Variants in NHERF4 observed in about 807,000 individuals in gnomAD.
NHERF4 encodes the protein NHERF family PDZ scaffold protein 4, also known as Na(+)/H(+) exchange regulatory cofactor NHE-RF4.
the NHERF4 span, chr11:119,186,130 CTG>C: frequency 6.2e-7 from 1 of 1,614,100 alleles, no homozygotes; most frequent in Non-Finnish European, 8.5e-7. This position sits in a 1 kb window ranked among gnomAD's most constrained non-coding sequence, Gnocchi z 4.4. Flanking sequence ...ATTGATAATC[CTG>C]TCCTCTCCCT....
chr11:119,186,226 G>C, the NHERF4 span: 1 of 1,613,992 alleles, frequency 6.2e-7, no homozygotes. The surrounding 1 kb of genome is among the most constrained non-coding windows in gnomAD (Gnocchi z 4.4). Context: ...GCTCCACACG[G>C]CCTCCGATCT....
At chr11:119,189,620 G>A in the NHERF4 span, 3 of 1,099,634 alleles carry the variant, frequency 2.7e-6, no homozygotes, top group Non-Finnish European at 4.1e-6. The surrounding 1 kb of genome is among the most constrained non-coding windows in gnomAD (Gnocchi z 5.8). Flanking sequence ...ATCACAGGCT[G>A]GCCCAGGTGC....
the NHERF4 span, chr11:119,186,053 A>C: frequency 1.9e-6 from 3 of 1,610,288 alleles, no homozygotes; most frequent in Non-Finnish European, 2.5e-6. The surrounding 1 kb of genome is among the most constrained non-coding windows in gnomAD (Gnocchi z 4.4). Flanking sequence ...ACCCAAGTCC[A>C]GCTGCCAGCT....
At chr11:119,187,351 C>T in the NHERF4 span, 1 of 1,613,820 alleles carries the variant, frequency 6.2e-7, no homozygotes, top group East Asian at 2.2e-5. Context: ...GGCCCGAGCT[C>T]AGCTGGGAGA....
the NHERF4 span, chr11:119,185,587 AC>A: frequency 7.2e-7 from 1 of 1,385,800 alleles, no homozygotes; most frequent in Non-Finnish European, 1.0e-6. Context: ...AAGCTTTGGG[AC>A]CAGGGCACAC....
At chr11:119,186,758 G>A in the NHERF4 span, 2 of 1,420,964 alleles carry the variant, frequency 1.4e-6, no homozygotes, top group South Asian at 2.8e-5. This position sits in a 1 kb window ranked among gnomAD's most constrained non-coding sequence, Gnocchi z 4.4. Flanking sequence ...AGTCCCCTGG[G>A]CAGTATGGCA....
chr11:119,189,460 TAG>T, the NHERF4 span: 6 of 1,614,092 alleles, frequency 3.7e-6, no homozygotes, highest in Admixed American at 5.0e-5. The surrounding 1 kb of genome is among the most constrained non-coding windows in gnomAD (Gnocchi z 5.8). Flanking sequence ...TCTCTCTGTA[TAG>T]GACTGGGCTC....
the NHERF4 span, chr11:119,188,399 G>C: frequency 6.2e-7 from 1 of 1,613,798 alleles, no homozygotes; most frequent in South Asian, 1.1e-5. Context: ...AGCCAAGAAG[G>C]CTGGGATGCA....
chr11:119,186,400 G>A, the NHERF4 span: 3 of 1,572,394 alleles, frequency 1.9e-6, no homozygotes, highest in Non-Finnish European at 2.6e-6. The surrounding 1 kb of genome is among the most constrained non-coding windows in gnomAD (Gnocchi z 4.4). Flanking sequence ...AGGACACAGG[G>A]TCTGCCAGGC....
chr11:119,187,436 G>T, the NHERF4 span: 1 of 1,613,982 alleles, frequency 6.2e-7, no homozygotes, highest in Admixed American at 1.7e-5. Context: ...GATGAGGGTG[G>T]TTTTGGCTTC....
At chr11:119,190,078 C>T in the NHERF4 span, 1 of 523,902 alleles carries the variant, frequency 1.9e-6, no homozygotes, top group East Asian at 3.1e-5. The surrounding 1 kb of genome is among the most constrained non-coding windows in gnomAD (Gnocchi z 4.2). Flanking sequence ...AAATTTATTT[C>T]CTATCAATCA....
the NHERF4 span, chr11:119,186,447 C>G: frequency 1.2e-6 from 2 of 1,611,450 alleles, no homozygotes; most frequent in Non-Finnish European, 1.7e-6. The surrounding 1 kb of genome is among the most constrained non-coding windows in gnomAD (Gnocchi z 4.4). Context: ...GCCCTCTCCT[C>G]CCCCTTTTCT....
the NHERF4 span, chr11:119,188,301 T>G: frequency 1.2e-6 from 2 of 1,606,958 alleles, no homozygotes; most frequent in Non-Finnish European, 1.7e-6. Context: ...CCCTGGTGTG[T>G]ACACAGTGGC....
At chr11:119,188,168 T>TG in the NHERF4 span, 1 of 1,517,820 alleles carries the variant, frequency 6.6e-7, no homozygotes, top group Non-Finnish European at 8.9e-7. Context: ...CTGGGGGCGG[T>TG]GGGGGAAGGT....
the NHERF4 span, chr11:119,188,422 G>A: frequency 6.2e-7 from 1 of 1,613,954 alleles, no homozygotes; most frequent in Non-Finnish European, 8.5e-7. Flanking sequence ...CTGGGGACCG[G>A]CTGGTGGCTG....
At chr11:119,189,629 GCTCC>G in the NHERF4 span, 1 of 998,018 alleles carries the variant, frequency 1.0e-6, no homozygotes, top group African/African-American at 1.6e-5. The surrounding 1 kb of genome is among the most constrained non-coding windows in gnomAD (Gnocchi z 5.8). Flanking sequence ...TGGCCCAGGT[GCTCC>G]CTCCCTTCCT....
At chr11:119,186,347 C>G in the NHERF4 span, 1 of 1,554,408 alleles carries the variant, frequency 6.4e-7, no homozygotes, top group African/African-American at 1.4e-5. The surrounding 1 kb of genome is among the most constrained non-coding windows in gnomAD (Gnocchi z 4.4). Context: ...ACGAACCCCA[C>G]CACCCAACAC....
At chr11:119,186,200 C>T in the NHERF4 span, 8 of 1,614,154 alleles carry the variant, frequency 5.0e-6, no homozygotes, top group African/African-American at 4.0e-5. This position sits in a 1 kb window ranked among gnomAD's most constrained non-coding sequence, Gnocchi z 4.4. Flanking sequence ...CATTCCCTAT[C>T]CCTGGAGGCA....
the NHERF4 span, chr11:119,188,090 C>T: frequency 1.3e-6 from 2 of 1,550,462 alleles, no homozygotes; most frequent in Non-Finnish European, 1.7e-6. Context: ...GGAGAAAGGG[C>T]CCCAGGGTTT....
Sources: gnomAD v4.1 joint callset for allele counts on GRCh38, gnomAD v4.1.1 for gene constraint, Gnocchi (gnomAD v3.1) non-coding constraint, MANE v1.5 for transcripts, NCBI Gene and HGNC (gene_info 2026-07-23, HGNC 2026-07-21) for gene names.